TOMM40L: variants seen among roughly 807,000 people sequenced by gnomAD.
TOMM40L encodes translocase of outer mitochondrial membrane 40 like.
In TOMM40L, 17 loss-of-function variants were observed where a neutral mutation model predicts 38.3. The observed-to-expected ratio is 0.44, with a 90% CI of 0.30 to 0.67. The LOEUF is 0.67. Ranked by LOEUF, TOMM40L falls within the 30% of genes least tolerant of loss-of-function variation. The pLI is 0.08. For synonymous variants in TOMM40L, 151 were observed against 150.2 expected (o/e 1.01, Z -0.04); for missense variants, 294 against 390.0 (o/e 0.75, Z 2.07).
At chr1:161,228,403 C>T (rs1326195854) in intron 7 of TOMM40L, 25 bp from the exon 8 acceptor site, 8 of 1,614,006 alleles carry the variant, frequency 5.0e-6, no homozygotes, top group Non-Finnish European at 5.9e-6. Context: ...AACACTCCTT[C>T]CCCTCTGTAC....
At position 161,227,262 on chromosome 1, in the gene TOMM40L, C is replaced by T. The variant is rs1191937542; in HGVS notation, c.188C>T (p.Ala63Val). The change falls in exon 4 of 10, where the codon GCG (alanine) becomes GTG (valine). Residue 63 changes from alanine to valine, a missense_variant. Ala to Val is a moderately conservative substitution (Grantham distance 64). Transcript: ENST00000367988. ...ACTGAATCCTCTTTTCCTCAGGTGG[C>T]GCACACTATACACATGAGTGCCCTG... ...NKVLSSHFQV[A>V]HTIHMSALGL... 8.1e-6 allele frequency: 13 copies of T among 1,613,846 alleles called. No homozygotes were observed. Among genetic ancestry groups the T allele is most frequent in the Admixed American group, 1.7e-5 (1 of 59,986 alleles).
In TOMM40L at chr1:161,230,412, C is replaced by T; in HGVS notation, c.*1317C>T. 2.6e-6 allele frequency: 1 copy of T among 382,754 alleles called. No homozygotes were observed. Among genetic ancestry groups the T allele is most frequent in the Non-Finnish European group, 4.7e-6 (1 of 213,616 alleles). 23.7% of individuals were successfully genotyped at this position (382,754 alleles called of 1,614,324 possible). A position where few individuals can be genotyped will look rare whatever the true frequency, so the allele number is the denominator to read the frequency against. ...ATGAAACTGTGAATGGCCCTAACTT[C>T]AAGGGAAATGAGAAATCGAAGGAAT... On this transcript the variant is annotated 3_prime_UTR_variant, in exon 10 of 10. Transcript: ENST00000367988.
Position 161,229,903 on chromosome 1 carries a change from C to A in TOMM40L, c.*808C>A. 6.2e-7 allele frequency: 1 copy of A among 1,614,118 alleles called. No homozygotes were observed. Among genetic ancestry groups the A allele is most frequent in the South Asian group, 1.1e-5 (1 of 91,078 alleles). The stretch of plus-strand genomic sequence containing the variant: ...AATGCTCCGGAGCTCAGCCAGCAGG[C>A]CTAGCAACTTCGCATACAGAAACCT... On this transcript the variant is annotated 3_prime_UTR_variant, in exon 10 of 10. Coordinates refer to ENST00000367988, the MANE Select transcript of TOMM40L (RefSeq NM_032174.6).
At chr1:161,227,145 G>T in intron 3 of TOMM40L, 113 bp from the exon 4 acceptor site, 1 of 1,228,482 alleles carries the variant, frequency 8.1e-7, no homozygotes. Context: ...GTATATGTTG[G>T]AATATTTAGG....
chr1:161,230,107 G>A lies in TOMM40L; in HGVS notation c.*1012G>A, dbSNP rs746433585. The stretch of plus-strand genomic sequence containing the variant: ...TTCCAAAGGTCCTCCAGGGGGCCTC[G>A]GTCTGACACTGTCTTCTCTCACCAT... On this transcript the variant is annotated 3_prime_UTR_variant, in exon 10 of 10. Transcript: ENST00000367988. 2.4e-5 allele frequency: 16 copies of A among 654,370 alleles called. No homozygotes were observed. The highest frequency in any genetic ancestry group is 6.1e-5 in the Admixed American group (2 of 32,776). The allele number at this position is 654,370 out of a possible 1,614,324, so 40.5% of individuals were successfully genotyped here.
Position 161,228,293 on chromosome 1 carries a change from G to A in TOMM40L, c.592G>A (p.Ala198Thr). ...CGAAGAGGGGGCCATCTTGACACTG[G>A]CTGGGAAGTACTCGGGTATGGGGCG... ...PGEEGAILTL[A>T]GKYSAVHWVA... Residue 198 changes from alanine (A) to threonine (T), a missense_variant, in exon 7 of 10, where the codon GCT becomes ACT. By Grantham distance (58) the Ala-to-Thr change is moderately conservative. Transcript: ENST00000367988. 1 of 1,606,304 alleles carries A rather than the reference G, an allele frequency of 6.2e-7. No individual in the cohort carries two copies. The highest frequency in any genetic ancestry group is 8.5e-7 in the Non-Finnish European group (1 of 1,174,934).
Position 161,226,594 on chromosome 1 carries a change from T to C in TOMM40L, c.105T>C (p.Arg35=), listed in dbSNP as rs1666360827. 4 of 1,613,776 alleles carry C rather than the reference T, an allele frequency of 2.5e-6. No individual in the cohort carries two copies. The highest frequency in any genetic ancestry group is 1.7e-5 in the Admixed American group (1 of 59,968). The change falls in exon 2 of 10, where the codon CGT becomes CGC. Residue 35 remains arginine, a synonymous_variant. Coordinates refer to ENST00000367988, the MANE Select transcript of TOMM40L (RefSeq NM_032174.6). The part of the protein sequence containing the change: ...PNPGSFDELH[R]LCKDVFPAQM... ...CTGGGAGCTTCGATGAGCTGCACCG[T>C]CTATGCAAAGGTGAGAACTTGGCAC...
In TOMM40L at chr1:161,228,801, CAACA is replaced by C; in HGVS notation, c.772_775del (p.Asn258TrpfsTer13). ...GTTACCACCTGACTCTGCCCCAGGC[CAACA>C]TGGTATTTAGAGGTGAGGGTTATTG... On this transcript the variant is annotated frameshift_variant, in exon 9 of 10. Transcript: ENST00000367988. LOFTEE classifies it high-confidence loss of function. 6.2e-7 allele frequency: 1 copy of C among 1,614,120 alleles called. No individual in the cohort carries two copies.
chr1:161,229,286 A>G lies in TOMM40L; in HGVS notation c.*191A>G. ...GGGCAGTTGATGAGGCAGAGGTTTGAGGATCCCCCCTCTGCTACCAGCCCC... is the reference window on the plus strand; with the variant it reads ...GGGCAGTTGATGAGGCAGAGGTTTGGGGATCCCCCCTCTGCTACCAGCCCC... On this transcript the variant is annotated 3_prime_UTR_variant, in exon 10 of 10. Coordinates refer to ENST00000367988, the MANE Select transcript of TOMM40L (RefSeq NM_032174.6). The G allele has an allele frequency of 1.3e-6, 1 of 754,714 alleles. No individual in the cohort carries two copies. Among genetic ancestry groups the G allele is most frequent in the Non-Finnish European group, 2.1e-6 (1 of 475,098 alleles). 46.8% of individuals were successfully genotyped at this position (754,714 alleles called of 1,614,324 possible). A position where few individuals can be genotyped will look rare whatever the true frequency, so the allele number is the denominator to read the frequency against.
At position 161,226,605 on chromosome 1, in the gene TOMM40L, G is replaced by A; in HGVS notation, c.115+1G>A. ...GATGAGCTGCACCGTCTATGCAAAG[G>A]TGAGAACTTGGCACTTGGGTGTCTC... On this transcript the variant is annotated splice_donor_variant, in intron 2 of 9. Coordinates refer to ENST00000367988, the MANE Select transcript of TOMM40L (RefSeq NM_032174.6). LOFTEE classifies it high-confidence loss of function. 6.2e-7 allele frequency: 1 copy of A among 1,613,468 alleles called. No individual in the cohort carries two copies.
chr1:161,227,570 A>G (rs541511174), intron 4 of TOMM40L, 66 bp from the exon 5 acceptor site: 5 of 1,377,454 alleles, frequency 3.6e-6, no homozygotes, highest in East Asian at 4.7e-5. Flanking sequence ...ATGAAGTTCT[A>G]TATTTGGGTT....
chr1:161,226,546 C>A lies in TOMM40L; in HGVS notation c.57C>A (p.Arg19=). ...GGACTTTGCCCCGCCGGAGCCCCCG[C>A]CGAGAGGAACCCCTGCCCAACCCTG... ...PMGTLPRRSP[R]REEPLPNPGS... Residue 19 remains arginine (R), a synonymous_variant, in exon 2 of 10, where the codon CGC becomes CGA. Transcript: ENST00000367988. The A allele has an allele frequency of 6.2e-7, 1 of 1,614,168 alleles. No individual in the cohort carries two copies. The highest frequency in any genetic ancestry group is 8.5e-7 in the Non-Finnish European group (1 of 1,180,028).
Position 161,229,805 on chromosome 1 carries a change from A to G in TOMM40L, c.*710A>G. 6.2e-7 allele frequency: 1 copy of G among 1,614,234 alleles called. No individual in the cohort carries two copies. The highest frequency in any genetic ancestry group is 8.5e-7 in the Non-Finnish European group (1 of 1,180,044). On this transcript the variant is annotated 3_prime_UTR_variant, in exon 10 of 10. Transcript: ENST00000367988. ...AGGAAGTGAGCATGGCCTCAGCTGCAGATCTCCTGGAGCAGCGGCATCATG... is the reference window on the plus strand; with the variant it reads ...AGGAAGTGAGCATGGCCTCAGCTGCGGATCTCCTGGAGCAGCGGCATCATG...
rs1666615568 is a variant in TOMM40L, at chr1:161,229,336, T to TG, written c.*243dup. 1.6e-6 allele frequency: 1 copy of TG among 634,674 alleles called. No individual in the cohort carries two copies. The highest frequency in any genetic ancestry group is 1.8e-5 in the African/African-American group (1 of 54,438). The allele number at this position is 634,674 out of a possible 1,614,324, so 39.3% of individuals were successfully genotyped here. A position where few individuals can be genotyped will look rare whatever the true frequency, so the allele number is the denominator to read the frequency against. On this transcript the variant is annotated 3_prime_UTR_variant, in exon 10 of 10. Transcript: ENST00000367988. The stretch of plus-strand genomic sequence containing the variant: ...CAGTATCACCTTCCCCATGCTCTTG[T>TG]GGCTGTGGACTAAGGGAGAAGGATT...
chr1:161,226,738 T>C, intron 2 of TOMM40L, 134 bp downstream of exon 2: 1 of 1,255,006 alleles, frequency 8.0e-7, no homozygotes, highest in South Asian at 1.4e-5. Flanking sequence ...GAGGATCAGG[T>C]GCCCAAATGA....
In TOMM40L at chr1:161,230,414, A is replaced by G; in HGVS notation, c.*1319A>G. 2.6e-6 allele frequency: 1 copy of G among 385,376 alleles called. No homozygotes were observed. Among genetic ancestry groups the G allele is most frequent in the Non-Finnish European group, 4.6e-6 (1 of 215,156 alleles). The allele number at this position is 385,376 out of a possible 1,614,324, so 23.9% of individuals were successfully genotyped here. On this transcript the variant is annotated 3_prime_UTR_variant, in exon 10 of 10. Transcript: ENST00000367988. Reference sequence around the variant, plus strand: ...GAAACTGTGAATGGCCCTAACTTCAAGGGAAATGAGAAATCGAAGGAATTG... The same window carrying G: ...GAAACTGTGAATGGCCCTAACTTCAGGGGAAATGAGAAATCGAAGGAATTG...
chr1:161,227,301 A>G lies in TOMM40L; in HGVS notation c.227A>G (p.Tyr76Cys). The change falls in exon 4 of 10, where the codon TAT (tyrosine) becomes TGT (cysteine). Residue 76 changes from tyrosine to cysteine, a missense_variant. Physicochemically the swap from Tyr to Cys is radical, Grantham distance 194 (BLOSUM62 -2). Transcript: ENST00000367988. ...IHMSALGLPG[Y>C]HLHAAYAGDW... Reference sequence around the variant, plus strand: ...ATGAGTGCCCTGGGCTTGCCGGGATATCACCTCCATGCGGCCTATGCAGGG... The same window carrying G: ...ATGAGTGCCCTGGGCTTGCCGGGATGTCACCTCCATGCGGCCTATGCAGGG... 1 of 1,614,128 alleles carries G rather than the reference A, an allele frequency of 6.2e-7. No individual in the cohort carries two copies. Among genetic ancestry groups the G allele is most frequent in the Non-Finnish European group, 8.5e-7 (1 of 1,180,034 alleles).
At position 161,227,339 on chromosome 1, in the gene TOMM40L, A is replaced by G; in HGVS notation, c.265A>G (p.Ser89Gly). Reference protein sequence around the residue: ...HAAYAGDWQLSPTEVFPTVVG... With the variant: ...HAAYAGDWQLGPTEVFPTVVG... ...GGCCTATGCAGGGGATTGGCAGCTC[A>G]GTCCCACTGAGGTGAGGGCTCCACA... is the stretch of plus-strand genomic sequence containing the variant. The change falls in exon 4 of 10, where the codon AGT becomes GGT. Residue 89 changes from serine to glycine, a missense_variant. Transcript: ENST00000367988. 2 of 1,614,130 alleles carry G rather than the reference A, an allele frequency of 1.2e-6. No homozygotes were observed. Among genetic ancestry groups the G allele is most frequent in the Non-Finnish European group, 1.7e-6 (2 of 1,180,016 alleles).
At chr1:161,226,976 C>T (rs1666386181) in intron 3 of TOMM40L, 21 bp downstream of exon 3, 1 of 1,613,652 alleles carries the variant, frequency 6.2e-7, no homozygotes, top group Non-Finnish European at 8.5e-7. Context: ...TTCTCTGGCC[C>T]CTCCTTACTA....
Sources: gnomAD v4.1 joint callset for allele counts on GRCh38, gnomAD v4.1.1 for gene constraint, MANE v1.5 for transcripts, NCBI Gene and HGNC (gene_info 2026-07-23, HGNC 2026-07-21) for gene names.